MYO3B: variants seen among roughly 807,000 people sequenced by gnomAD.
MYO3B encodes the protein myosin IIIB, also known as myosin-IIIb.
A neutral mutation model predicts 174.6 loss-of-function variants in MYO3B; 156 were observed. That is an observed-to-expected ratio of 0.89 (90% CI 0.78 to 1.02). The LOEUF (loss-of-function observed/expected upper bound fraction) is 1.02. Among genes scored for constraint, MYO3B ranks in the 50% least tolerant of loss-of-function variants. The pLI is 0.00. For missense variants in MYO3B, 1,632 were observed against 1,639.4 expected, an observed-to-expected ratio of 1.00 and a Z score of 0.08; for synonymous variants, 563 against 569.1, an observed-to-expected ratio of 0.99 and a Z score of 0.15.
At chr2:170,251,127 G>A (rs1173929385) in intron 7 of MYO3B, among the ~76,000 whole-genome samples, 3 of 152,042 alleles carry the variant, frequency 2.0e-5, no homozygotes, top group Admixed American at 1.3e-4. Flanking sequence ...TCTCCTGTCC[G>A]TGTCAACTGT....
intron 30 of MYO3B, among the ~76,000 whole-genome samples, chr2:170,532,790 T>C (rs1039171313): frequency 3.1e-5 from 4 of 128,264 alleles, no homozygotes; most frequent in Admixed American, 1.9e-4. Flanking sequence ...CACTCCAGTC[T>C]GGGCAACAAG....
intron 23 of MYO3B, among the ~76,000 whole-genome samples, chr2:170,448,256 T>C (rs1683370539): frequency 6.6e-6 from 1 of 152,222 alleles, no homozygotes; most frequent in Non-Finnish European, 1.5e-5. Flanking sequence ...CACCCAGGAA[T>C]GAACAAGGAC....
At chr2:170,408,661 A>C (rs76623682) in intron 22 of MYO3B, 1 of 150,046 alleles carries the variant, frequency 6.7e-6, no homozygotes, top group South Asian at 2.1e-4. Flanking sequence ...ATCACTGTTC[A>C]TTGTTCACTA....
At chr2:170,533,669 C>A (rs947724648) in intron 30 of MYO3B, among the ~76,000 whole-genome samples, 12 of 152,144 alleles carry the variant, frequency 7.9e-5, no homozygotes, top group Non-Finnish European at 1.2e-4. Context: ...TACTATTCTC[C>A]CTTGAAGTTT....
chr2:170,186,595 T>G (rs986933049), intron 1 of MYO3B, among the ~76,000 whole-genome samples: 2 of 152,210 alleles, frequency 1.3e-5, no homozygotes, highest in Non-Finnish European at 2.9e-5. Flanking sequence ...TTTTTTGATG[T>G]GCCTTTGTCA....
At position 170,407,819 on chromosome 2, in the gene MYO3B, C is replaced by T. The variant is rs560219872; in HGVS notation, c.2625C>T (p.Leu875=). 4 of 1,614,058 alleles carry T rather than the reference C, an allele frequency of 2.5e-6. No individual in the cohort carries two copies. The highest frequency in any genetic ancestry group is 2.2e-5 in the South Asian group (2 of 91,078). ...RTSENKLLQQ[L]FSIPLTKTGN... ...CAGAAAACAAGCTTCTTCAGCAGCTCTTCTCAATCCCTCTGACCAAAACAG... is the reference window on the plus strand; with the variant it reads ...CAGAAAACAAGCTTCTTCAGCAGCTTTTCTCAATCCCTCTGACCAAAACAG... The change falls in exon 22 of 35, where the codon CTC becomes CTT. Residue 875 remains leucine, a synonymous_variant. Coordinates refer to ENST00000408978, the MANE Select transcript of MYO3B (RefSeq NM_138995.5).
intron 8 of MYO3B, chr2:170,338,290 A>G (rs571825791): frequency 6.6e-6 from 1 of 152,330 alleles, no homozygotes; most frequent in East Asian, 1.9e-4. Flanking sequence ...TGAGTCAGGA[A>G]GGCAATTAGA....
At chr2:170,604,046 T>G (rs59793685) in intron 32 of MYO3B, among the ~76,000 whole-genome samples, 4,936 of 152,336 alleles carry the variant, frequency 0.032, 290 homozygotes, top group African/African-American at 0.11. Context: ...CATTATACCA[T>G]ATAGCTTAGG....
chr2:170,623,331 G>C (rs978982127), intron 32 of MYO3B, among the ~76,000 whole-genome samples: 3 of 152,176 alleles, frequency 2.0e-5, no homozygotes, highest in African/African-American at 7.2e-5. Flanking sequence ...CAGTGATGAT[G>C]AGCATTTTTT....
intron 32 of MYO3B, among the ~76,000 whole-genome samples, chr2:170,634,129 T>C (rs955885015): frequency 6.6e-6 from 1 of 152,092 alleles, no homozygotes; most frequent in Admixed American, 6.6e-5. Flanking sequence ...TTAAAGTTCA[T>C]ATGGAAACAA....
At chr2:170,275,329 CTTT>C (rs1308066387) in intron 7 of MYO3B, among the ~76,000 whole-genome samples, 2 of 152,128 alleles carry the variant, frequency 1.3e-5, no homozygotes, top group Non-Finnish European at 2.9e-5. Flanking sequence ...GAACATGTTT[CTTT>C]ATTTCAAGAC....
intron 16 of MYO3B, 135 bp downstream of exon 16, chr2:170,392,630 T>A: frequency 2.0e-6 from 1 of 507,160 alleles, no homozygotes; most frequent in Non-Finnish European, 3.3e-6. Context: ...GTCTTGCTAC[T>A]CAAAGTGTGG....
At chr2:170,370,898 CTCTT>C (rs1351792261) in intron 9 of MYO3B, among the ~76,000 whole-genome samples, 2 of 149,490 alleles carry the variant, frequency 1.3e-5, no homozygotes, top group African/African-American at 2.6e-5. Context: ...CTCTCTCTCT[CTCTT>C]TTTTTTTCTT....
intron 23 of MYO3B, among the ~76,000 whole-genome samples, chr2:170,445,286 T>A (rs1332364888): frequency 6.6e-6 from 1 of 152,192 alleles, no homozygotes; most frequent in Non-Finnish European, 1.5e-5. Context: ...ATGAGGCATA[T>A]CACAACCTTC....
rs2094382042 is a variant in MYO3B, at chr2:170,387,154, G to A, written c.1423G>A (p.Val475Met). The change falls in exon 14 of 35, where the codon GTG (valine) becomes ATG (methionine). Residue 475 changes from valine to methionine, a missense_variant. By Grantham distance (21) the Val-to-Met change is conservative. Coordinates refer to ENST00000408978, the MANE Select transcript of MYO3B (RefSeq NM_138995.5). ...REKILQVNSL[V>M]EAFGNSCTAI... ...GAAAATTCTACAAGTCAACTCCCTG[G>A]TGGAAGCCTTTGGGAACTCATGCAC... 6.2e-7 allele frequency: 1 copy of A among 1,613,988 alleles called. No homozygotes were observed. The highest frequency in any genetic ancestry group is 8.5e-7 in the Non-Finnish European group (1 of 1,179,976).
chr2:170,485,434 G>GAC (rs1217761935), intron 25 of MYO3B, among the ~76,000 whole-genome samples: 2 of 151,294 alleles, frequency 1.3e-5, no homozygotes, highest in Non-Finnish European at 3.0e-5. Context: ...GAGAGAGAGA[G>GAC]AGAGAGAGAG....
intron 24 of MYO3B, 72 bp downstream of exon 24, chr2:170,463,517 C>G (rs1050623924): frequency 1.0e-5 from 13 of 1,295,956 alleles, no homozygotes; most frequent in Non-Finnish European, 4.4e-6. Context: ...ATGAGATGCC[C>G]AGATGGAGTC....
intron 25 of MYO3B, among the ~76,000 whole-genome samples, chr2:170,490,545 T>C (rs1191860292): frequency 6.6e-6 from 1 of 152,134 alleles, no homozygotes; most frequent in Non-Finnish European, 1.5e-5. Flanking sequence ...TTTTTTGTCT[T>C]ATTGTGCTGG....
chr2:170,603,875 A>G (rs1465942420), intron 32 of MYO3B, among the ~76,000 whole-genome samples: 1 of 152,238 alleles, frequency 6.6e-6, no homozygotes, highest in African/African-American at 2.4e-5. Context: ...AATGAACCAC[A>G]TATAGGATGG....
Sources: gnomAD v4.1 joint callset for allele counts (sites outside exome capture counted in the v4.1 genomes callset) on GRCh38, gnomAD v4.1.1 for gene constraint, MANE v1.5 for transcripts, NCBI Gene and HGNC (gene_info 2026-07-23, HGNC 2026-07-21) for gene names.